The following CNTN1 variants were observed in gnomAD, a reference collection of about 807,000 sequenced individuals.
The protein encoded by CNTN1 is contactin-1.
In CNTN1, 38 loss-of-function variants were observed where a neutral mutation model predicts 126.4. The observed-to-expected ratio is 0.30, with a 90% CI of 0.23 to 0.39. CNTN1 has a LOEUF of 0.39. Among genes scored for constraint, CNTN1 ranks in the 10% least tolerant of loss-of-function variants. The pLI is 1.00. For missense variants in CNTN1, 1,009 were observed against 1,248.4 expected, an observed-to-expected ratio of 0.81 and a Z score of 2.89; for synonymous variants, 413 against 422.6, an observed-to-expected ratio of 0.98 and a Z score of 0.28.
intron 20 of CNTN1, among the ~76,000 whole-genome samples, chr12:41,024,485 A>G (rs1272435976): frequency 6.6e-6 from 1 of 152,138 alleles, no homozygotes; most frequent in African/African-American, 2.4e-5. Context: ...TCCTGTAATT[A>G]TTTGACAAAA....
intron 1 of CNTN1, among the ~76,000 whole-genome samples, chr12:40,786,612 G>T (rs1417785471): frequency 6.6e-6 from 1 of 152,040 alleles, no homozygotes; most frequent in African/African-American, 2.4e-5. Context: ...CTTCAGAACT[G>T]GAAATCCAAG....
intron 1 of CNTN1, among the ~76,000 whole-genome samples, chr12:40,901,296 T>C (rs1261743030): frequency 6.6e-6 from 1 of 152,240 alleles, no homozygotes; most frequent in Non-Finnish European, 1.5e-5. Flanking sequence ...AAAAAGGATT[T>C]TTTATATTCA....
chr12:40,910,521 T>C (rs1944988216), intron 3 of CNTN1, among the ~76,000 whole-genome samples: 5 of 152,186 alleles, frequency 3.3e-5, no homozygotes, highest in Admixed American at 3.3e-4. Flanking sequence ...AGTCCACAGG[T>C]ATTGCAAAAT....
intron 16 of CNTN1, among the ~76,000 whole-genome samples, chr12:40,988,538 C>T (rs1407910048): frequency 6.6e-6 from 1 of 152,092 alleles, no homozygotes; most frequent in East Asian, 1.9e-4. Flanking sequence ...GCATGATTTC[C>T]AGGCAACTAA....
intron 1 of CNTN1, among the ~76,000 whole-genome samples, chr12:40,906,506 C>CA (rs1425206941): frequency 6.6e-6 from 1 of 151,962 alleles, no homozygotes; most frequent in African/African-American, 2.4e-5. Context: ...TATGTGTTCT[C>CA]AAAATCCATT....
intron 4 of CNTN1, among the ~76,000 whole-genome samples, chr12:40,921,229 A>G (rs1053910248): frequency 3.3e-5 from 5 of 152,152 alleles, no homozygotes; most frequent in East Asian, 3.8e-4. Context: ...CAGATATTCT[A>G]AAGTCATTAG....
intron 14 of CNTN1, among the ~76,000 whole-genome samples, chr12:40,950,175 A>C (rs1036855452): frequency 5.3e-5 from 8 of 151,340 alleles, no homozygotes; most frequent in African/African-American, 1.9e-4. Context: ...AATATCCTAT[A>C]ATGCACAAGA....
intron 1 of CNTN1, among the ~76,000 whole-genome samples, chr12:40,900,338 G>A (rs1343508865): frequency 6.6e-6 from 1 of 152,126 alleles, no homozygotes; most frequent in East Asian, 1.9e-4. Flanking sequence ...GACTATAATT[G>A]CTACAGCCAC....
At chr12:41,056,509 C>T (rs192894396) in intron 23 of CNTN1, among the ~76,000 whole-genome samples, 1 of 152,010 alleles carries the variant, frequency 6.6e-6, no homozygotes, top group South Asian at 2.1e-4. Flanking sequence ...ACAGAGATAC[C>T]CAGAAATACA....
Position 41,071,795 on chromosome 12 carries a change from G to C in CNTN1, c.*1760G>C, listed in dbSNP as rs928871578. On this transcript the variant is annotated 3_prime_UTR_variant, in exon 24 of 24. Coordinates refer to ENST00000551295, the MANE Select transcript of CNTN1 (RefSeq NM_001843.4). ...AGAAACAAAATGTCTTCATACTTTA[G>C]GGAAACGAATACCCTGTATACCTTC... 1.3e-5 allele frequency: 2 copies of C among 152,096 alleles called. No individual in the cohort carries two copies. The highest frequency in any genetic ancestry group is 4.8e-5 in the African/African-American group (2 of 41,424). 9.4% of individuals were successfully genotyped at this position (152,096 alleles called of 1,614,324 possible).
In CNTN1 at chr12:40,981,059, C is replaced by A; in HGVS notation, c.1955C>A (p.Ala652Glu). The A allele has an allele frequency of 6.2e-7, 1 of 1,612,568 alleles. No homozygotes were observed. Among genetic ancestry groups the A allele is most frequent in the Non-Finnish European group, 8.5e-7 (1 of 1,179,612 alleles). Residue 652 changes from alanine (A) to glutamate (E), a missense_variant, in exon 16 of 24, where the codon GCA (alanine) becomes GAA (glutamate). By Grantham distance (107) the Ala-to-Glu change is moderately radical. Coordinates refer to ENST00000551295, the MANE Select transcript of CNTN1 (RefSeq NM_001843.4). ...KTILSDDWKD[A>E]KTDPPIIEGN... is the part of the protein sequence containing the mutation. ...ATTCTTTCAGATGACTGGAAAGATGCAAAGACAGGTGAGTTTTATTTGTCT... is the reference window on the plus strand; with the variant it reads ...ATTCTTTCAGATGACTGGAAAGATGAAAAGACAGGTGAGTTTTATTTGTCT...
At chr12:40,774,870 T>C (rs547635944) in intron 1 of CNTN1, among the ~76,000 whole-genome samples, 89 of 151,684 alleles carry the variant, frequency 5.9e-4, no homozygotes, top group African/African-American at 2.0e-3. Context: ...TTTATTAGTA[T>C]GGTTAAATAA....
intron 17 of CNTN1, among the ~76,000 whole-genome samples, chr12:41,002,558 C>CT (rs1360030646): frequency 0.063 from 8,537 of 134,486 alleles, 457 homozygotes; most frequent in Admixed American, 0.16. Flanking sequence ...GGGTTTCTTT[C>CT]TTTTTTTTTT....
At chr12:40,996,849 A>T (rs1346119205) in intron 17 of CNTN1, among the ~76,000 whole-genome samples, 1 of 152,240 alleles carries the variant, frequency 6.6e-6, no homozygotes, top group Non-Finnish European at 1.5e-5. Flanking sequence ...GAAAATAAAA[A>T]TACTTTCTAA....
rs10592423 is a variant in CNTN1, at chr12:40,830,791, G to GTA, written c.-76-77523_-76-77522dup. Reference sequence around the variant, plus strand: ...TTGAGAGAGAGGGAGAAAGTATAGTGTATATATATATATATATATATATAT... The same window carrying GTA: ...TTGAGAGAGAGGGAGAAAGTATAGTGTATATATATATATATATATATATATAT... On this transcript the variant is annotated intron_variant, in intron 1 of 23. Transcript: ENST00000551295. Among the ~76,000 whole-genome samples the GTA allele has an allele frequency of 4.1e-3, 310 of 75,690 alleles. 3 individuals are homozygous for GTA. Among genetic ancestry groups the GTA allele is most frequent in the African/African-American group, 5.9e-3 (114 of 19,234 alleles). The allele number at this position is 75,690 out of a possible 152,430, so 49.7% of individuals were successfully genotyped here.
At chr12:40,889,824 T>G (rs1178350443) in intron 1 of CNTN1, among the ~76,000 whole-genome samples, 1 of 152,166 alleles carries the variant, frequency 6.6e-6, no homozygotes, top group African/African-American at 2.4e-5. Flanking sequence ...GTACTGCCAT[T>G]TATTATCATT....
chr12:40,904,229 A>T (rs914863932), intron 1 of CNTN1, among the ~76,000 whole-genome samples: 1 of 152,048 alleles, frequency 6.6e-6, no homozygotes, highest in South Asian at 2.1e-4. Context: ...TGTGTTAGCC[A>T]GGATGGTCTC....
At chr12:40,806,973 T>G (rs1233362351) in intron 1 of CNTN1, among the ~76,000 whole-genome samples, 1 of 152,154 alleles carries the variant, frequency 6.6e-6, no homozygotes, top group African/African-American at 2.4e-5. Context: ...TTCTACATCC[T>G]AAATGAAGGC....
chr12:40,721,964 G>A (rs1012991783), intron 1 of CNTN1, among the ~76,000 whole-genome samples: 11 of 150,810 alleles, frequency 7.3e-5, no homozygotes, highest in Non-Finnish European at 1.2e-4. Context: ...TTGGACATTT[G>A]GGTTGGTTCC....
Sources: allele counts gnomAD v4.1 joint callset (sites outside exome capture counted in the v4.1 genomes callset), GRCh38; gene constraint gnomAD v4.1.1; transcripts MANE v1.5; gene names NCBI Gene and HGNC (gene_info 2026-07-23, HGNC 2026-07-21).